The following GRM5 variants were observed in gnomAD, a reference collection of about 807,000 sequenced individuals.
GRM5 encodes glutamate metabotropic receptor 5, also known as metabotropic glutamate receptor 5.
Under a neutral mutation model 83.1 loss-of-function variants are expected in GRM5, and 19 were observed. The ratio of observed to expected loss-of-function variants is 0.23; its 90% CI spans 0.16 to 0.34. GRM5 has a LOEUF of 0.34. Among genes scored for constraint, GRM5 ranks in the 10% least tolerant of loss-of-function variants. GRM5 has a pLI of 1.00. For synonymous variants in GRM5, 675 were observed against 633.6 expected, an observed-to-expected ratio of 1.07 and a Z score of -0.98; for missense variants, 1,160 against 1,588.3, an observed-to-expected ratio of 0.73 and a Z score of 4.58.
intron 3 of GRM5, among the ~76,000 whole-genome samples, chr11:88,733,046 C>A (rs1941839645): frequency 6.6e-6 from 1 of 151,952 alleles, no homozygotes. Context: ...AGACATGACC[C>A]AATAAATCTA....
Position 88,653,280 on chromosome 11 carries a change from C to T in GRM5, c.1035G>A (p.Arg345=), listed in dbSNP as rs1939682531. 5.6e-6 allele frequency: 9 copies of T among 1,612,998 alleles called. No individual in the cohort carries two copies. The highest frequency in any genetic ancestry group is 7.6e-6 in the Non-Finnish European group (9 of 1,179,412). Residue 345 remains arginine (R), a synonymous_variant, in exon 4 of 10, where the codon CGG becomes CGA. Coordinates refer to ENST00000305447, the MANE Select transcript of GRM5 (RefSeq NM_001143831.3). The part of the protein sequence containing the change: ...KWFDDYYLKL[R]PETNHRNPWF... ...AAGGGTTTCGGTGGTTTGTTTCTGG[C>T]CGGAGCTTCAGATAATAATCATCAA...
chr11:88,637,032 C>T (rs142575587), intron 4 of GRM5, among the ~76,000 whole-genome samples: 9,125 of 152,072 alleles, frequency 0.06, 257 homozygotes, highest in Middle Eastern at 0.071. Flanking sequence ...CTTGGCAATG[C>T]GGGCTCTTTT....
At chr11:88,935,529 C>CACATATGAGCAATA (rs1937863478) in intron 2 of GRM5, among the ~76,000 whole-genome samples, 1 of 151,840 alleles carries the variant, frequency 6.6e-6, no homozygotes, top group African/African-American at 2.4e-5. Flanking sequence ...ATATGAGCAA[C>CACATATGAGCAATA]TGTGATTCTA....
chr11:88,627,928 CA>C (rs1938847901), intron 4 of GRM5, among the ~76,000 whole-genome samples: 1 of 152,158 alleles, frequency 6.6e-6, no homozygotes, highest in African/African-American at 2.4e-5. Flanking sequence ...GAAAATTCCC[CA>C]AATCATGGTT....
intron 2 of GRM5, among the ~76,000 whole-genome samples, chr11:88,886,678 C>A (rs573246510): frequency 6.6e-6 from 1 of 152,134 alleles, no homozygotes; most frequent in African/African-American, 2.4e-5. Flanking sequence ...GGTATTTGGA[C>A]GGACCCCAGC....
chr11:88,847,154 A>G (rs904665187), intron 3 of GRM5, among the ~76,000 whole-genome samples: 13 of 152,174 alleles, frequency 8.5e-5, no homozygotes, highest in African/African-American at 3.1e-4. Context: ...ACACATCAAT[A>G]TTTATTGAGT....
intron 8 of GRM5, among the ~76,000 whole-genome samples, chr11:88,551,422 TG>T: frequency 6.6e-6 from 1 of 152,298 alleles, no homozygotes; most frequent in Non-Finnish European, 1.5e-5. Flanking sequence ...TCTTCATACT[TG>T]CATTGAGCAC....
intron 3 of GRM5, among the ~76,000 whole-genome samples, chr11:88,666,241 G>A (rs1454143089): frequency 1.3e-5 from 2 of 152,186 alleles, no homozygotes; most frequent in Non-Finnish European, 2.9e-5. Flanking sequence ...GCCCACAACT[G>A]GGTAATTTAT....
chr11:88,696,320 T>C (rs1416176046), intron 3 of GRM5, among the ~76,000 whole-genome samples: 2 of 151,990 alleles, frequency 1.3e-5, no homozygotes, highest in Non-Finnish European at 2.9e-5. Flanking sequence ...GTTTCCGGTG[T>C]TTTATGGGCA....
In GRM5 at chr11:88,866,083, T is replaced by C. The variant is rs1465340864; in HGVS notation, c.662-15928A>G. On this transcript the variant is annotated intron_variant, in intron 2 of 9. Coordinates refer to ENST00000305447, the MANE Select transcript of GRM5 (RefSeq NM_001143831.3). ...TATATACCCAAAAGATTATAAATCA[T>C]CCTACTATAAAGACACATTCACACA... Among the ~76,000 whole-genome samples the C allele has an allele frequency of 2.0e-5, 3 of 152,254 alleles. No homozygotes were observed. The East Asian group carries it at 5.8e-4, about 29-fold the overall frequency.
chr11:88,554,438 G>T (rs12283179), intron 8 of GRM5, among the ~76,000 whole-genome samples: 6,978 of 152,102 alleles, frequency 0.046, 506 homozygotes, highest in African/African-American at 0.15. Flanking sequence ...CCATGTTTGG[G>T]GGCCATCATC....
intron 3 of GRM5, among the ~76,000 whole-genome samples, chr11:88,816,421 C>T (rs1393263329): frequency 1.3e-5 from 2 of 150,144 alleles, no homozygotes; most frequent in Non-Finnish European, 3.0e-5. Context: ...TGCCTGTAGT[C>T]CCAGCTACTC....
At chr11:88,910,474 T>C (rs1945477663) in intron 2 of GRM5, among the ~76,000 whole-genome samples, 1 of 152,096 alleles carries the variant, frequency 6.6e-6, no homozygotes, top group African/African-American at 2.4e-5. Flanking sequence ...ATATGTAAAC[T>C]CTACATTTAA....
intron 7 of GRM5, among the ~76,000 whole-genome samples, chr11:88,579,630 C>G (rs1033434353): frequency 1.3e-5 from 2 of 152,110 alleles, no homozygotes; most frequent in African/African-American, 4.8e-5. Flanking sequence ...GGATAAGAGC[C>G]TTTCTGACCT....
intron 3 of GRM5, among the ~76,000 whole-genome samples, chr11:88,823,594 G>C (rs543095370): frequency 6.6e-6 from 1 of 151,972 alleles, no homozygotes; most frequent in African/African-American, 2.4e-5. Flanking sequence ...ACATCAGGAA[G>C]TACTACTGAC....
chr11:88,778,356 G>T (rs7118677), intron 3 of GRM5, among the ~76,000 whole-genome samples: 80,109 of 152,096 alleles, frequency 0.53, 23,826 homozygotes, highest in Non-Finnish European at 0.7. Flanking sequence ...CACATAGTCT[G>T]TCACGGCTTC....
chr11:88,588,846 T>C (rs917685642), intron 7 of GRM5, among the ~76,000 whole-genome samples: 6 of 152,136 alleles, frequency 3.9e-5, no homozygotes, highest in Admixed American at 2.6e-4. Context: ...CCCCACAAGA[T>C]GGTAAGATGT....
chr11:88,987,707 C>T (rs948903518), intron 2 of GRM5, among the ~76,000 whole-genome samples: 1 of 151,544 alleles, frequency 6.6e-6, no homozygotes, highest in Non-Finnish European at 1.5e-5. Flanking sequence ...TGACCCCTGA[C>T]CCCCGAGCAG....
chr11:88,665,168 C>CACACACAT (rs1554990161), intron 3 of GRM5, among the ~76,000 whole-genome samples: 1 of 151,598 alleles, frequency 6.6e-6, no homozygotes, highest in African/African-American at 2.4e-5. Context: ...TATTTACACA[C>CACACACAT]ACACACACAC....
Sources: gnomAD v4.1 joint callset for allele counts (sites outside exome capture counted in the v4.1 genomes callset) on GRCh38, gnomAD v4.1.1 for gene constraint, MANE v1.5 for transcripts, NCBI Gene and HGNC (gene_info 2026-07-23, HGNC 2026-07-21) for gene names.